Variants in KLRG1 observed in about 807,000 individuals in gnomAD.
KLRG1 encodes the protein killer cell lectin like receptor G1.
KLRG1 carries 16 observed loss-of-function variants against 21.8 expected under a neutral mutation model. The ratio of observed to expected loss-of-function variants is 0.73; its 90% CI spans 0.50 to 1.11. KLRG1 has a LOEUF of 1.11. Ranked by LOEUF, KLRG1 falls within the 50% of genes most tolerant of loss-of-function variation. The pLI is 0.00. For synonymous variants in KLRG1, 69 were observed against 75.9 expected (o/e 0.91, Z 0.47); for missense variants, 173 against 218.3 (o/e 0.79, Z 1.31).
the KLRG1 span, among the ~76,000 whole-genome samples, chr12:9,052,483 C>T: frequency 3.9e-5 from 6 of 152,210 alleles, no homozygotes; most frequent in African/African-American, 1.4e-4. Flanking sequence ...CATGAACTCA[C>T]CCAAGGGTCT....
chr12:9,055,578 G>A, the KLRG1 span: 1 of 152,270 alleles, frequency 6.6e-6, no homozygotes, highest in Non-Finnish European at 1.5e-5. Context: ...AAATGAAGAA[G>A]GAATCAATTA....
chr12:9,150,712 AC>A, the KLRG1 span: 1 of 1,613,112 alleles, frequency 6.2e-7, no homozygotes, highest in East Asian at 2.2e-5. Flanking sequence ...GTCTTGCAGA[AC>A]CATGAAGGAA....
intron 1 of KLRG1, among the ~76,000 whole-genome samples, chr12:8,976,895 T>C (rs1029971217): frequency 9.2e-5 from 14 of 151,832 alleles, no homozygotes; most frequent in African/African-American, 2.2e-4. Context: ...TGTAGACATG[T>C]ACTACCACGC....
chr12:9,164,275 A>G, the KLRG1 span: 5 of 1,610,238 alleles, frequency 3.1e-6, no homozygotes, highest in African/African-American at 6.7e-5. Context: ...ACCCCATGTG[A>G]GGCAGAGACA....
chr12:8,960,006 A>T (rs1946356941), intron 1 of KLRG1, among the ~76,000 whole-genome samples: 1 of 152,168 alleles, frequency 6.6e-6, no homozygotes, highest in Non-Finnish European at 1.5e-5. Flanking sequence ...TCTGTTCATG[A>T]TGGTATAACT....
At chr12:8,962,292 C>T (rs1001711191) in intron 1 of KLRG1, among the ~76,000 whole-genome samples, 6 of 151,988 alleles carry the variant, frequency 3.9e-5, no homozygotes, top group African/African-American at 1.5e-4. Context: ...ATAATATCTT[C>T]TAGAAATGAG....
At chr12:9,099,354 G>A in the KLRG1 span, 3 of 1,545,490 alleles carry the variant, frequency 1.9e-6, no homozygotes, top group Admixed American at 3.9e-5. Context: ...TTTACATGTT[G>A]AAGATTTTAT....
At chr12:8,971,053 T>G (rs1946558716) in intron 1 of KLRG1, 1 of 152,188 alleles carries the variant, frequency 6.6e-6, no homozygotes, top group South Asian at 2.1e-4. Context: ...GTCTGTAATT[T>G]TCTTTTCTTG....
the KLRG1 span, chr12:9,197,210 G>A: frequency 1.1e-6 from 1 of 882,502 alleles, no homozygotes. Flanking sequence ...CCTCTTTAGA[G>A]TTGCCTACAC....
chr12:9,032,449 G>T, the KLRG1 span, among the ~76,000 whole-genome samples: 4 of 152,142 alleles, frequency 2.6e-5, no homozygotes, highest in Non-Finnish European at 1.5e-5. Flanking sequence ...GATGTCTTCG[G>T]TGATTCCTCA....
chr12:9,013,746 A>T (rs1023696095), downstream of KLRG1, among the ~76,000 whole-genome samples: 1 of 151,922 alleles, frequency 6.6e-6, no homozygotes, highest in African/African-American at 2.4e-5. Context: ...TGATTCAATT[A>T]CCTCCCACCA....
the KLRG1 span, chr12:9,067,474 A>G: frequency 2.6e-5 from 8 of 310,374 alleles, no homozygotes; most frequent in African/African-American, 1.7e-4. Flanking sequence ...TGGGTTTTTC[A>G]TAGGGTATTC....
the KLRG1 span, among the ~76,000 whole-genome samples, chr12:9,016,762 C>T: frequency 2.5e-3 from 376 of 152,076 alleles, 3 homozygotes; most frequent in East Asian, 0.013. Context: ...TACAGGTGTG[C>T]GTCACCACAC....
At chr12:9,026,805 G>T in the KLRG1 span, among the ~76,000 whole-genome samples, 1 of 151,802 alleles carries the variant, frequency 6.6e-6, no homozygotes, top group African/African-American at 2.4e-5. Flanking sequence ...AAACATTATG[G>T]AGTGTTTTTT....
At chr12:9,099,795 AG>A in the KLRG1 span, among the ~76,000 whole-genome samples, 1 of 152,242 alleles carries the variant, frequency 6.6e-6, no homozygotes, top group Admixed American at 6.5e-5. Flanking sequence ...CATTTGATCT[AG>A]GCCTCATACT....
chr12:8,962,948 C>G (rs1264862114), intron 1 of KLRG1, among the ~76,000 whole-genome samples: 2 of 151,910 alleles, frequency 1.3e-5, no homozygotes, highest in Non-Finnish European at 2.9e-5. Flanking sequence ...CAAAGATGCT[C>G]AGTAGATTTT....
At chr12:9,017,265 A>C in the KLRG1 span, among the ~76,000 whole-genome samples, 10 of 16,322 alleles carry the variant, frequency 6.1e-4, no homozygotes, top group African/African-American at 1.2e-3. Flanking sequence ...ACTCCATCTC[A>C]AAAAAAAAAA....
chr12:9,164,177 T>C, the KLRG1 span: 680,678 of 1,609,658 alleles, frequency 0.42, 145,211 homozygotes, highest in East Asian at 0.46. Flanking sequence ...TTGTCTCTCA[T>C]TTCCACAGAT....
chr12:9,096,029 G>A, the KLRG1 span, among the ~76,000 whole-genome samples: 1 of 152,034 alleles, frequency 6.6e-6, no homozygotes, highest in African/African-American at 2.4e-5. Flanking sequence ...AAAGTGCTGG[G>A]ATTACAGGCG....
Sources: gnomAD v4.1 joint callset for allele counts (sites outside exome capture counted in the v4.1 genomes callset) on GRCh38, gnomAD v4.1.1 for gene constraint, MANE v1.5 for transcripts, NCBI Gene and HGNC (gene_info 2026-07-23, HGNC 2026-07-21) for gene names.